The following MTCL3 variants were observed in gnomAD, a reference collection of about 807,000 sequenced individuals.
MTCL3 encodes microtubule cross-linking factor 3.
At chr6:127,512,827 C>A in the MTCL3 span, 37 of 1,468,432 alleles carry the variant, frequency 2.5e-5, no homozygotes, top group Non-Finnish European at 3.4e-5. Context: ...TCATATTAGT[C>A]CTTGGGATTC....
chr6:127,515,730 G>A, the MTCL3 span: 8 of 1,594,822 alleles, frequency 5.0e-6, no homozygotes, highest in South Asian at 1.1e-5. This position sits in a 1 kb window ranked among gnomAD's most constrained non-coding sequence, Gnocchi z 4.3. Context: ...CGGCAGGGGG[G>A]CCAGACACCG....
At chr6:127,513,089 A>G in the MTCL3 span, 1 of 1,528,130 alleles carries the variant, frequency 6.5e-7, no homozygotes. Flanking sequence ...ATAATTAATG[A>G]CAATATAATA....
the MTCL3 span, among the ~76,000 whole-genome samples, chr6:127,511,151 G>C: frequency 5.7e-4 from 87 of 152,306 alleles, no homozygotes; most frequent in African/African-American, 2.0e-3. Context: ...AAGCCATAGA[G>C]GGAGGCCTGG....
chr6:127,476,716 T>C, the MTCL3 span, among the ~76,000 whole-genome samples: 1 of 152,346 alleles, frequency 6.6e-6, no homozygotes, highest in African/African-American at 2.4e-5. The surrounding 1 kb of genome is among the most constrained non-coding windows in gnomAD (Gnocchi z 4.4). Flanking sequence ...AACTGTGGCA[T>C]CACTATTCAG....
chr6:127,480,088 T>G, the MTCL3 span, among the ~76,000 whole-genome samples: 6 of 152,242 alleles, frequency 3.9e-5, no homozygotes, highest in African/African-American at 1.4e-4. Context: ...AAGATACAAA[T>G]TACATGTGAA....
the MTCL3 span, chr6:127,475,185 C>A: frequency 3.2e-6 from 4 of 1,249,072 alleles, no homozygotes; most frequent in African/African-American, 4.5e-5. This position sits in a 1 kb window ranked among gnomAD's most constrained non-coding sequence, Gnocchi z 7.3. Context: ...TGAGCGGGGG[C>A]TTCCCTCAAG....
the MTCL3 span, among the ~76,000 whole-genome samples, chr6:127,476,712 G>A: frequency 6.6e-6 from 1 of 152,108 alleles, no homozygotes; most frequent in African/African-American, 2.4e-5. This position sits in a 1 kb window ranked among gnomAD's most constrained non-coding sequence, Gnocchi z 4.4. Context: ...GAATAACTGT[G>A]GCATCACTAT....
the MTCL3 span, among the ~76,000 whole-genome samples, chr6:127,495,767 A>G: frequency 6.6e-6 from 1 of 152,262 alleles, no homozygotes; most frequent in Non-Finnish European, 1.5e-5. Flanking sequence ...TAAATGTGAT[A>G]GCCCACAATT....
the MTCL3 span, among the ~76,000 whole-genome samples, chr6:127,513,464 A>G: frequency 9.2e-5 from 14 of 152,338 alleles, no homozygotes; most frequent in African/African-American, 3.4e-4. Flanking sequence ...CAGCAAAACT[A>G]TGAGGTAGAT....
the MTCL3 span, among the ~76,000 whole-genome samples, chr6:127,500,191 A>G: frequency 6.6e-6 from 1 of 152,214 alleles, no homozygotes; most frequent in Admixed American, 6.5e-5. Flanking sequence ...AAAAATATCC[A>G]TAAATACGTA....
the MTCL3 span, among the ~76,000 whole-genome samples, chr6:127,491,595 C>G: frequency 4.6e-5 from 7 of 152,134 alleles, no homozygotes; most frequent in African/African-American, 1.4e-4. Context: ...AATAGTGTGA[C>G]TTGCTTTACT....
chr6:127,475,692 G>A, the MTCL3 span: 9 of 1,583,226 alleles, frequency 5.7e-6, no homozygotes, highest in Non-Finnish European at 7.7e-6. This position sits in a 1 kb window ranked among gnomAD's most constrained non-coding sequence, Gnocchi z 7.3. Context: ...CGCTCTCGCC[G>A]CCGATGGGCC....
the MTCL3 span, chr6:127,515,043 T>C: frequency 6.2e-7 from 1 of 1,613,760 alleles, no homozygotes; most frequent in Non-Finnish European, 8.5e-7. The surrounding 1 kb of genome is among the most constrained non-coding windows in gnomAD (Gnocchi z 4.3). Context: ...CTCATCGATC[T>C]CGTTCTGAGG....
chr6:127,487,873 A>T, the MTCL3 span, among the ~76,000 whole-genome samples: 1 of 152,202 alleles, frequency 6.6e-6, no homozygotes, highest in African/African-American at 2.4e-5. Flanking sequence ...TTATTCTGGT[A>T]ATGTTTTATA....
At chr6:127,489,276 A>C in the MTCL3 span, among the ~76,000 whole-genome samples, 1 of 152,208 alleles carries the variant, frequency 6.6e-6, no homozygotes, top group Admixed American at 6.5e-5. Context: ...TATCTGCTCC[A>C]CCAACTGGCT....
At chr6:127,514,841 G>A in the MTCL3 span, 3 of 1,612,762 alleles carry the variant, frequency 1.9e-6, no homozygotes, top group Non-Finnish European at 2.5e-6. Flanking sequence ...CCTGCTCCAG[G>A]CTGCGCAACA....
the MTCL3 span, chr6:127,515,634 G>A: frequency 7.0e-7 from 1 of 1,418,996 alleles, no homozygotes; most frequent in Non-Finnish European, 9.2e-7. The surrounding 1 kb of genome is among the most constrained non-coding windows in gnomAD (Gnocchi z 4.3). Flanking sequence ...TGCCCCCGCC[G>A]CTCGCGCTGC....
chr6:127,477,035 C>A, the MTCL3 span, among the ~76,000 whole-genome samples: 1 of 152,164 alleles, frequency 6.6e-6, no homozygotes, highest in Non-Finnish European at 1.5e-5. Context: ...AAATTTGAAT[C>A]CAGTTCTGTC....
chr6:127,487,448 G>C, the MTCL3 span, among the ~76,000 whole-genome samples: 1 of 152,116 alleles, frequency 6.6e-6, no homozygotes, highest in Non-Finnish European at 1.5e-5. Context: ...GGTAACACTG[G>C]GAGGGAGGCC....
Sources: gnomAD v4.1 joint callset for allele counts (sites outside exome capture counted in the v4.1 genomes callset) on GRCh38, gnomAD v4.1.1 for gene constraint, Gnocchi (gnomAD v3.1) non-coding constraint, MANE v1.5 for transcripts, NCBI Gene and HGNC (gene_info 2026-07-23, HGNC 2026-07-21) for gene names.